LINGO1: variants seen among roughly 807,000 people sequenced by gnomAD.
LINGO1 encodes the protein leucine rich repeat and Ig domain containing 1, also known as leucine-rich repeat and immunoglobulin-like domain-containing nogo receptor-interacting protein 1.
A neutral mutation model predicts 37.3 loss-of-function variants in LINGO1; 11 were observed. The observed-to-expected ratio is 0.29, with a 90% CI of 0.19 to 0.49. The LOEUF (loss-of-function observed/expected upper bound fraction) is 0.49. Among genes scored for constraint, LINGO1 ranks in the 20% least tolerant of loss-of-function variants. The pLI is 0.99. For missense variants in LINGO1, 585 were observed against 878.2 expected (o/e 0.67, Z 4.22); for synonymous variants, 387 against 403.0 (o/e 0.96, Z 0.48).
rs150289554 is a variant in LINGO1, at chr15:77,615,612, C to T, written c.295G>A (p.Glu99Lys). ...DEFASFPHLE[E>K]LELNENIVSA... Reference sequence around the variant, plus strand: ...ACGATGTTCTCGTTGAGCTCCAGCTCCTCCAGGTGCGGGAAGCTGGCGAAC... The same window carrying T: ...ACGATGTTCTCGTTGAGCTCCAGCTTCTCCAGGTGCGGGAAGCTGGCGAAC... Residue 99 changes from glutamate (E) to lysine (K), a missense_variant, in exon 2 of 2, where the codon GAG (glutamate) becomes AAG (lysine). Around this residue, in one of 4 missense-constraint regions of LINGO1, gnomAD observed 484 missense variants for 735.0 expected, o/e 0.66. Transcript: ENST00000355300. 3.5e-4 allele frequency: 566 copies of T among 1,611,848 alleles called. No individual in the cohort carries two copies. The highest frequency in any genetic ancestry group is 4.9e-4 in the Middle Eastern group (3 of 6,062).
chr15:77,754,337 G>A (rs190564261), intron 1 of LINGO1, among the ~76,000 whole-genome samples: 168 of 151,532 alleles, frequency 1.1e-3, no homozygotes, highest in Non-Finnish European at 1.7e-3. Flanking sequence ...GGAAGGGAGG[G>A]AAGGAAGACA....
At chr15:77,789,797 G>GT (rs1410128941), upstream of LINGO1, among the ~76,000 whole-genome samples, 2 of 150,494 alleles carry the variant, frequency 1.3e-5, no homozygotes, top group East Asian at 2.0e-4. Flanking sequence ...GGGCTTTGGG[G>GT]TTTTTTTGAG....
chr15:77,634,921 G>T (rs1031881356), upstream of LINGO1, among the ~76,000 whole-genome samples: 3 of 152,216 alleles, frequency 2.0e-5, no homozygotes, highest in African/African-American at 4.8e-5. Context: ...GGGGGCGGGG[G>T]CGAGGGCTAT....
chr15:77,689,024 C>T (rs1004059608), intron 2 of LINGO1, among the ~76,000 whole-genome samples: 4 of 152,104 alleles, frequency 2.6e-5, no homozygotes, highest in African/African-American at 9.7e-5. Context: ...AACCACAGGC[C>T]GGAGCAGTCA....
chr15:77,818,866 C>A (rs1388639770), intron 1 of LINGO1, among the ~76,000 whole-genome samples: 1 of 151,854 alleles, frequency 6.6e-6, no homozygotes, highest in Non-Finnish European at 1.5e-5. Flanking sequence ...CACCCCTCCG[C>A]CCGCCAGACG....
At chr15:77,799,912 T>A (rs1467359513) in intron 1 of LINGO1, among the ~76,000 whole-genome samples, 1 of 152,126 alleles carries the variant, frequency 6.6e-6, no homozygotes, top group Non-Finnish European at 1.5e-5. Context: ...TCCCAGCGGC[T>A]GTGACAGCCT....
chr15:77,792,601 GGCTCCAGAGAAGA>G (rs1567586985), intron 2 of LINGO1, among the ~76,000 whole-genome samples: 1 of 152,126 alleles, frequency 6.6e-6, no homozygotes, highest in African/African-American at 2.4e-5. Context: ...TCCAGAGAAG[GGCTCCAGAGAAGA>G]GCTCCGATTT....
intron 3 of LINGO1, among the ~76,000 whole-genome samples, chr15:77,658,110 C>T (rs1021940198): frequency 1.3e-5 from 2 of 152,168 alleles, no homozygotes; most frequent in African/African-American, 4.8e-5. Flanking sequence ...CCTCAGGTGA[C>T]GGCGGGATGT....
chr15:77,733,570 T>C (rs1470734279), intron 2 of LINGO1, among the ~76,000 whole-genome samples: 1 of 152,100 alleles, frequency 6.6e-6, no homozygotes, highest in Non-Finnish European at 1.5e-5. Flanking sequence ...CCATGGAACC[T>C]GGAGTAGAGA....
chr15:77,696,316 G>A (rs1376518809), intron 1 of LINGO1: 2 of 152,186 alleles, frequency 1.3e-5, no homozygotes, highest in African/African-American at 2.4e-5. Flanking sequence ...TGTTTGTGGC[G>A]GGTGCCCGCC....
intron 1 of LINGO1, among the ~76,000 whole-genome samples, chr15:77,809,188 T>C (rs1048710300): frequency 1.1e-4 from 17 of 152,182 alleles, no homozygotes; most frequent in African/African-American, 3.9e-4. Context: ...CCCAGGGGGA[T>C]GAGGAGCATG....
At chr15:77,769,991 G>C (rs573711851) in intron 1 of LINGO1, among the ~76,000 whole-genome samples, 2 of 152,254 alleles carry the variant, frequency 1.3e-5, no homozygotes, top group East Asian at 3.9e-4. Context: ...AGGACCTGGG[G>C]CCAAATATGC....
chr15:77,697,305 G>A (rs2075709318), upstream of LINGO1, among the ~76,000 whole-genome samples: 2 of 152,192 alleles, frequency 1.3e-5, no homozygotes. Context: ...CCCAGGCTCT[G>A]TTCTCAGGGC....
chr15:77,652,520 G>T, intron 3 of LINGO1, among the ~76,000 whole-genome samples: 1 of 151,126 alleles, frequency 6.6e-6, no homozygotes, highest in African/African-American at 2.4e-5. Flanking sequence ...GTGTGTGTGT[G>T]TGTGTGTGTG....
At chr15:77,726,025 C>A (rs1012673314) in intron 2 of LINGO1, among the ~76,000 whole-genome samples, 1 of 152,212 alleles carries the variant, frequency 6.6e-6, no homozygotes, top group African/African-American at 2.4e-5. Flanking sequence ...GCCAGCTGAG[C>A]ACCCATGGTG....
At chr15:77,778,654 CAA>C (rs757111420) in intron 1 of LINGO1, among the ~76,000 whole-genome samples, 113 of 152,304 alleles carry the variant, frequency 7.4e-4, no homozygotes, top group Non-Finnish European at 1.2e-3. Flanking sequence ...GTTGAACTTT[CAA>C]AATCTATCCA....
At chr15:77,703,275 G>T (rs190130624) in intron 2 of LINGO1, among the ~76,000 whole-genome samples, 1 of 152,300 alleles carries the variant, frequency 6.6e-6, no homozygotes, top group East Asian at 1.9e-4. Context: ...GGGGATTCTT[G>T]TAACTGAGAA....
At chr15:77,678,352 C>A (rs1051453326) in intron 2 of LINGO1, among the ~76,000 whole-genome samples, 40 of 152,188 alleles carry the variant, frequency 2.6e-4, no homozygotes, top group Admixed American at 1.9e-3. Flanking sequence ...CAGCCCCTAC[C>A]CCTGGCAACC....
chr15:77,753,315 G>A (rs2076388977), intron 1 of LINGO1, among the ~76,000 whole-genome samples: 2 of 152,208 alleles, frequency 1.3e-5, no homozygotes, highest in African/African-American at 2.4e-5. Flanking sequence ...CTAAGCTTCC[G>A]TGGGCCCTTG....
Sources: gnomAD v4.1 joint callset for allele counts (sites outside exome capture counted in the v4.1 genomes callset) on GRCh38, gnomAD v4.1.1 for gene constraint, gnomAD v4.1.1 regional missense constraint, MANE v1.5 for transcripts, NCBI Gene and HGNC (gene_info 2026-07-23, HGNC 2026-07-21) for gene names.